GABRB3: variants seen among roughly 807,000 people sequenced by gnomAD.
The protein encoded by GABRB3 is gamma-aminobutyric acid type A receptor subunit beta3, also known as gamma-aminobutyric acid receptor subunit beta-3.
In GABRB3, 14 loss-of-function variants were observed where a neutral mutation model predicts 52.1. The observed-to-expected ratio is 0.27, with a 90% CI of 0.18 to 0.42. GABRB3 has a LOEUF of 0.42. Ranked by LOEUF, GABRB3 falls within the 10% of genes least tolerant of loss-of-function variation. The pLI is 1.00. For missense variants in GABRB3, 307 were observed against 609.1 expected (o/e 0.50, Z 5.22); for synonymous variants, 260 against 232.3 (o/e 1.12, Z -1.08).
chr15:26,570,505 G>A (rs1230680819), intron 6 of GABRB3, among the ~76,000 whole-genome samples: 6 of 152,134 alleles, frequency 3.9e-5, no homozygotes, highest in Non-Finnish European at 7.4e-5. Context: ...AATCTTCTAC[G>A]GCTCATTGCT....
chr15:26,609,226 A>C (rs1308858185), intron 4 of GABRB3, among the ~76,000 whole-genome samples: 1 of 152,086 alleles, frequency 6.6e-6, no homozygotes, highest in Non-Finnish European at 1.5e-5. Context: ...TAAGTGAATT[A>C]CGCCAGTCAC....
At chr15:26,573,719 C>T (rs1890492999) in intron 6 of GABRB3, among the ~76,000 whole-genome samples, 1 of 152,178 alleles carries the variant, frequency 6.6e-6, no homozygotes, top group African/African-American at 2.4e-5. Flanking sequence ...AAAATATTTG[C>T]AAATCATGTA....
chr15:26,677,072 G>A (rs1339575021), intron 3 of GABRB3, among the ~76,000 whole-genome samples: 2 of 152,248 alleles, frequency 1.3e-5, no homozygotes, highest in Non-Finnish European at 1.5e-5. Context: ...GAATAACATC[G>A]ATAAGTTGGA....
At chr15:26,629,134 C>A in intron 3 of GABRB3, 1 of 1,521,772 alleles carries the variant, frequency 6.6e-7, no homozygotes, top group Non-Finnish European at 8.8e-7. Context: ...GAGGCTGAAG[C>A]TCGGGGAGGC....
In GABRB3 at chr15:26,713,914, T is replaced by C. The variant is rs112792721; in HGVS notation, c.240+58488A>G. Among the ~76,000 whole-genome samples, 247 of 152,084 alleles carry C rather than the reference T, an allele frequency of 1.6e-3. 1 individual carries two copies. Among genetic ancestry groups the C allele is most frequent in the African/African-American group, 5.5e-3 (227 of 41,488 alleles). On this transcript the variant is annotated intron_variant, in intron 3 of 8. Transcript: ENST00000311550. ...GGAACCAGGGATCAGAGACGGCTGG[T>C]GGAGGTTGAACGGCCACATGTTGTG...
In GABRB3 at chr15:26,596,328, A is replaced by G. The variant is rs1437451212; in HGVS notation, c.462-12914T>C. On this transcript the variant is annotated intron_variant, in intron 4 of 8. Transcript: ENST00000311550. ...CAGAATGTTCTAAGAAGCTTAAAAC[A>G]TAAGAAAAAGCAATGTACATGTGCA... Among the ~76,000 whole-genome samples the G allele has an allele frequency of 2.6e-5, 4 of 152,300 alleles. No homozygotes were observed. In the South Asian group the frequency reaches 6.2e-4, roughly 24 times the overall value.
At chr15:26,654,291 G>A (rs1374959099) in intron 3 of GABRB3, among the ~76,000 whole-genome samples, 16 of 152,092 alleles carry the variant, frequency 1.1e-4, no homozygotes, top group East Asian at 5.8e-4. Context: ...GACTACAGGC[G>A]CCCGCCACCA....
intron 3 of GABRB3, among the ~76,000 whole-genome samples, chr15:26,641,016 A>G (rs927685476): frequency 2.6e-5 from 4 of 152,190 alleles, no homozygotes; most frequent in African/African-American, 9.7e-5. Context: ...ACAGGATGTG[A>G]TGTCACAAAA....
In GABRB3 at chr15:26,547,721, T is replaced by C. The variant is rs1399789878; in HGVS notation, c.*72A>G. ...TTGTGTGTCTGTGTGTGTACAGGTATAAAAACTTGACAGGCAGAGTAATAT... is the reference window on the plus strand; with the variant it reads ...TTGTGTGTCTGTGTGTGTACAGGTACAAAAACTTGACAGGCAGAGTAATAT... On this transcript the variant is annotated 3_prime_UTR_variant, in exon 9 of 9. Transcript: ENST00000311550. 3.2e-6 allele frequency: 4 copies of C among 1,243,716 alleles called. No homozygotes were observed. Among genetic ancestry groups the C allele is most frequent in the East Asian group, 2.3e-5 (1 of 42,646 alleles). The allele number at this position is 1,243,716 out of a possible 1,614,324, so 77.0% of individuals were successfully genotyped here. A position where few individuals can be genotyped will look rare whatever the true frequency, so the allele number is the denominator to read the frequency against.
chr15:26,580,739 C>A lies in GABRB3; in HGVS notation c.545-283G>T, dbSNP rs1595457003. On this transcript the variant is annotated intron_variant, in intron 5 of 8. Transcript: ENST00000311550. ...TTGCGAAGTGTAACTTCAGAGCTGA[C>A]CCAGACACCACACAGAGATGAATTT... The A allele has an allele frequency of 1.0e-5, 5 of 496,048 alleles. No individual in the cohort carries two copies. In the East Asian group the frequency reaches 2.0e-4, roughly 20 times the overall value. 30.7% of individuals were successfully genotyped at this position (496,048 alleles called of 1,614,324 possible). A position where few individuals can be genotyped will look rare whatever the true frequency, so the allele number is the denominator to read the frequency against.
rs999629670 is a variant in GABRB3 at position 26,621,203 on chromosome 15, T to C, written c.461+111A>G. Reference sequence around the variant, plus strand: ...CAAAGCTTTAGTGCTTCATAGATGCTTCCTAATTTATCTGAGGTCATTGCC... The same window carrying C: ...CAAAGCTTTAGTGCTTCATAGATGCCTCCTAATTTATCTGAGGTCATTGCC... On this transcript the variant is annotated intron_variant, in intron 4 of 8. Coordinates refer to ENST00000311550, the MANE Select transcript of GABRB3 (RefSeq NM_000814.6). The surrounding 1 kb of genome is among the most constrained non-coding windows in gnomAD (Gnocchi z 4.1). 2.1e-5 allele frequency: 19 copies of C among 917,736 alleles called. No individual in the cohort carries two copies. The African/African-American group carries it at 2.6e-4, about 13-fold the overall frequency. The allele number at this position is 917,736 out of a possible 1,614,324, so 56.8% of individuals were successfully genotyped here.
At chr15:26,659,415 G>C (rs371551551) in intron 3 of GABRB3, among the ~76,000 whole-genome samples, 1 of 152,040 alleles carries the variant, frequency 6.6e-6, no homozygotes, top group African/African-American at 2.4e-5. Flanking sequence ...CCAGCTACTT[G>C]GGAGGCTGAG....
intron 8 of GABRB3, among the ~76,000 whole-genome samples, chr15:26,556,255 A>G (rs1469905403): frequency 6.6e-6 from 1 of 152,224 alleles, no homozygotes; most frequent in East Asian, 1.9e-4. Flanking sequence ...TTCAGAATAT[A>G]GCACAGAGAG....
At chr15:26,580,503 A>G in intron 5 of GABRB3, 47 bp from the exon 6 acceptor site, 4 of 1,612,176 alleles carry the variant, frequency 2.5e-6, no homozygotes, top group Non-Finnish European at 2.5e-6. Context: ...CATTTCGTAT[A>G]AATGCACGGC....
intron 3 of GABRB3, among the ~76,000 whole-genome samples, chr15:26,713,129 G>A (rs182349634): frequency 1.4e-3 from 218 of 152,274 alleles, no homozygotes; most frequent in South Asian, 2.5e-3. Flanking sequence ...ACGAGGAAAC[G>A]GTCGGGGTCC....
At chr15:26,584,490 G>A (rs1000893625) in intron 4 of GABRB3, among the ~76,000 whole-genome samples, 2 of 152,146 alleles carry the variant, frequency 1.3e-5, no homozygotes, top group Non-Finnish European at 2.9e-5. Flanking sequence ...TTGTTTTACT[G>A]TGTGATCATC....
At chr15:26,589,883 A>G (rs1462706113) in intron 4 of GABRB3, among the ~76,000 whole-genome samples, 1 of 152,122 alleles carries the variant, frequency 6.6e-6, no homozygotes, top group African/African-American at 2.4e-5. Context: ...GTGGGACTCG[A>G]GCAAAATGTG....
chr15:26,592,663 A>G (rs1891249342), intron 4 of GABRB3, among the ~76,000 whole-genome samples: 1 of 152,196 alleles, frequency 6.6e-6, no homozygotes, highest in African/African-American at 2.4e-5. Flanking sequence ...AAGGGAATAG[A>G]ATTAACATGG....
chr15:26,718,370 C>T (rs544302050), intron 3 of GABRB3, among the ~76,000 whole-genome samples: 3 of 152,164 alleles, frequency 2.0e-5, no homozygotes, highest in African/African-American at 4.8e-5. Flanking sequence ...CCACCAAGCC[C>T]GGCTAATTTT....
Sources: gnomAD v4.1 joint callset for allele counts (sites outside exome capture counted in the v4.1 genomes callset) on GRCh38, gnomAD v4.1.1 for gene constraint, Gnocchi (gnomAD v3.1) non-coding constraint, MANE v1.5 for transcripts, NCBI Gene and HGNC (gene_info 2026-07-23, HGNC 2026-07-21) for gene names.